MALRD1: variants seen among roughly 807,000 people sequenced by gnomAD.
MALRD1 encodes the protein MAM and LDL receptor class A domain containing 1.
A neutral mutation model predicts 242.1 loss-of-function variants in MALRD1; 247 were observed. That is an observed-to-expected ratio of 1.02 (90% CI 0.92 to 1.13). The LOEUF (loss-of-function observed/expected upper bound fraction) is 1.13. MALRD1 is among the 50% of genes most tolerant of loss of function. The pLI is 0.00. For synonymous variants in MALRD1, 995 were observed against 866.6 expected (o/e 1.15, Z -2.60); for missense variants, 2,989 against 2,533.1 (o/e 1.18, Z -3.86).
chr10:19,112,203 A>G (rs1347059692), intron 5 of MALRD1, among the ~76,000 whole-genome samples: 1 of 149,772 alleles, frequency 6.7e-6, no homozygotes, highest in Non-Finnish European at 1.5e-5. Context: ...TAAAAACAGG[A>G]CTAGCATTTG....
At chr10:19,247,201 G>A (rs993948968) in intron 18 of MALRD1, among the ~76,000 whole-genome samples, 1 of 151,984 alleles carries the variant, frequency 6.6e-6, no homozygotes, top group African/African-American at 2.4e-5. Context: ...GGGCTTGTTG[G>A]TTGTACTACT....
intron 38 of MALRD1, among the ~76,000 whole-genome samples, chr10:19,699,800 G>A (rs1019737720): frequency 1.3e-5 from 2 of 151,778 alleles, no homozygotes; most frequent in Non-Finnish European, 2.9e-5. Flanking sequence ...ACTTTTAAAC[G>A]ACCAGATCTG....
intron 14 of MALRD1, among the ~76,000 whole-genome samples, chr10:19,195,370 G>A (rs549756213): frequency 3.3e-5 from 5 of 152,054 alleles, no homozygotes; most frequent in East Asian, 1.9e-4. Flanking sequence ...TGGCTCTGAC[G>A]TCTAGACCTT....
intron 31 of MALRD1, among the ~76,000 whole-genome samples, chr10:19,529,672 C>A (rs970525416): frequency 6.6e-6 from 1 of 151,768 alleles, no homozygotes; most frequent in African/African-American, 2.4e-5. Context: ...TCTAAATTCA[C>A]CTATTTGTCA....
At chr10:19,395,437 C>G (rs148725659) in intron 28 of MALRD1, among the ~76,000 whole-genome samples, 123 of 152,256 alleles carry the variant, frequency 8.1e-4, no homozygotes, top group African/African-American at 2.8e-3. Context: ...GAGAGGGCTT[C>G]CAGGTCATAC....
At chr10:19,720,149 T>C (rs1834675540) in intron 38 of MALRD1, among the ~76,000 whole-genome samples, 1 of 152,224 alleles carries the variant, frequency 6.6e-6, no homozygotes. Context: ...GTGTTGACTT[T>C]TTTATGATAA....
At chr10:19,132,052 T>C (rs546787825) in intron 8 of MALRD1, among the ~76,000 whole-genome samples, 1 of 152,338 alleles carries the variant, frequency 6.6e-6, no homozygotes, top group South Asian at 2.1e-4. Flanking sequence ...TACTATGAAC[T>C]TGGCTTATGA....
At chr10:19,689,521 A>G (rs1459676659) in intron 36 of MALRD1, among the ~76,000 whole-genome samples, 3 of 152,174 alleles carry the variant, frequency 2.0e-5, no homozygotes, top group Admixed American at 6.6e-5. Context: ...AATGATGGAT[A>G]AAGTAAAGTA....
intron 28 of MALRD1, among the ~76,000 whole-genome samples, chr10:19,415,569 A>T (rs937842121): frequency 6.6e-6 from 1 of 152,172 alleles, no homozygotes; most frequent in African/African-American, 2.4e-5. Flanking sequence ...GGAAAGCAAG[A>T]CTTAAAAAAA....
chr10:19,476,271 T>A (rs1741937899), intron 29 of MALRD1, among the ~76,000 whole-genome samples: 1 of 152,160 alleles, frequency 6.6e-6, no homozygotes, highest in Admixed American at 6.5e-5. Flanking sequence ...TAGTACAGCA[T>A]TCAGTCCCAA....
chr10:19,514,656 T>C (rs1176129227), intron 31 of MALRD1, among the ~76,000 whole-genome samples: 7 of 152,134 alleles, frequency 4.6e-5, no homozygotes, highest in African/African-American at 1.7e-4. Context: ...TACATAGTTA[T>C]AGGAAAGAAA....
chr10:19,572,688 G>A (rs973139903), intron 33 of MALRD1, among the ~76,000 whole-genome samples: 14 of 152,090 alleles, frequency 9.2e-5, no homozygotes, highest in African/African-American at 3.1e-4. Context: ...GTAAATTAAC[G>A]GCATTTTGAA....
At position 19,394,580 on chromosome 10, in the gene MALRD1, A is replaced by G. The variant is rs529700062; in HGVS notation, c.4845+4971A>G. Among the ~76,000 whole-genome samples, 11 of 152,302 alleles carry G rather than the reference A, an allele frequency of 7.2e-5. 1 individual carries two copies. The highest frequency in any genetic ancestry group is 2.6e-4 in the African/African-American group (11 of 41,580). ...TGAGCCTTGGTTGTAGACAAGGGTC[A>G]ACTGAATTCATGGTAAGCTCTCTGC... On this transcript the variant is annotated intron_variant, in intron 28 of 39. Coordinates refer to ENST00000454679, the MANE Select transcript of MALRD1 (RefSeq NM_001142308.3).
intron 31 of MALRD1, among the ~76,000 whole-genome samples, chr10:19,520,072 A>G (rs779435921): frequency 6.6e-6 from 1 of 152,156 alleles, no homozygotes; most frequent in Non-Finnish European, 1.5e-5. Flanking sequence ...AGGCTTTTTC[A>G]TTTAATCCTC....
At chr10:19,539,897 T>TGTGTGTGTGC (rs1365113182) in intron 32 of MALRD1, among the ~76,000 whole-genome samples, 33 of 44,426 alleles carry the variant, frequency 7.4e-4, no homozygotes, top group African/African-American at 1.9e-3. Flanking sequence ...TGTGTGTGTG[T>TGTGTGTGTGC]GCGCGCGCGC....
intron 34 of MALRD1, among the ~76,000 whole-genome samples, chr10:19,605,224 G>A (rs868481112): frequency 6.6e-6 from 1 of 150,630 alleles, no homozygotes; most frequent in Admixed American, 6.6e-5. Context: ...GCACGATCTT[G>A]GCTCACTGTA....
At chr10:19,562,904 C>G (rs3904891) in intron 32 of MALRD1, among the ~76,000 whole-genome samples, 55,006 of 151,994 alleles carry the variant, frequency 0.36, 11,167 homozygotes, top group Non-Finnish European at 0.46. Flanking sequence ...ATTGCAAAGT[C>G]ACTTCCCCTG....
At chr10:19,655,809 T>C (rs575404537) in intron 36 of MALRD1, among the ~76,000 whole-genome samples, 1 of 151,996 alleles carries the variant, frequency 6.6e-6, no homozygotes, top group Non-Finnish European at 1.5e-5. Context: ...CTTACCTTCA[T>C]TGATTTCAGG....
At chr10:19,359,958 A>T (rs1029364190) in intron 26 of MALRD1, among the ~76,000 whole-genome samples, 1 of 152,238 alleles carries the variant, frequency 6.6e-6, no homozygotes, top group African/African-American at 2.4e-5. Flanking sequence ...TTACACCTTT[A>T]TTAGTTTCAC....
Sources: gnomAD v4.1 joint callset for allele counts (sites outside exome capture counted in the v4.1 genomes callset) on GRCh38, gnomAD v4.1.1 for gene constraint, MANE v1.5 for transcripts, NCBI Gene and HGNC (gene_info 2026-07-23, HGNC 2026-07-21) for gene names.